The following VWA8 variants were observed in gnomAD, a reference collection of about 807,000 sequenced individuals.
The protein encoded by VWA8 is von Willebrand factor A domain-containing protein 8.
Under a neutral mutation model 241.5 loss-of-function variants are expected in VWA8, and 221 were observed. That is an observed-to-expected ratio of 0.91 (90% CI 0.82 to 1.02). VWA8 has a LOEUF of 1.02. VWA8 is among the 50% of genes least tolerant of loss of function. The pLI, the probability that VWA8 is intolerant of heterozygous loss-of-function variation, is 0.00. For synonymous variants in VWA8, 852 were observed against 827.1 expected (o/e 1.03, Z -0.52); for missense variants, 2,322 against 2,328.7 (o/e 1.00, Z 0.06).
At chr13:41,760,889 T>C (rs1313185449) in intron 21 of VWA8, among the ~76,000 whole-genome samples, 1 of 152,048 alleles carries the variant, frequency 6.6e-6, no homozygotes, top group African/African-American at 2.4e-5. Context: ...GAATGTAATG[T>C]TCATCACTCT....
At chr13:41,621,532 G>A (rs574976846) in intron 37 of VWA8, among the ~76,000 whole-genome samples, 1 of 152,296 alleles carries the variant, frequency 6.6e-6, no homozygotes, top group South Asian at 2.1e-4. Context: ...TGGGGCATGT[G>A]TGTGTATTCT....
At chr13:41,924,828 T>C (rs1876753250) in intron 2 of VWA8, among the ~76,000 whole-genome samples, 1 of 152,094 alleles carries the variant, frequency 6.6e-6, no homozygotes. Context: ...CAGTTACATA[T>C]GTATACATGT....
At chr13:41,694,013 C>T (rs1030197526) in intron 29 of VWA8, among the ~76,000 whole-genome samples, 8 of 151,744 alleles carry the variant, frequency 5.3e-5, no homozygotes, top group African/African-American at 1.7e-4. Flanking sequence ...AGTCACAAAG[C>T]ACATGAAGAA....
At chr13:41,716,691 A>G (rs1232797745) in intron 26 of VWA8, among the ~76,000 whole-genome samples, 1 of 152,050 alleles carries the variant, frequency 6.6e-6, no homozygotes, top group Non-Finnish European at 1.5e-5. Flanking sequence ...ACTCCCATCA[A>G]TAAGCACTGC....
intron 37 of VWA8, among the ~76,000 whole-genome samples, chr13:41,625,146 AAC>A (rs2044681163): frequency 6.6e-6 from 1 of 152,304 alleles, no homozygotes; most frequent in Non-Finnish European, 1.5e-5. Context: ...GAGAATTACA[AAC>A]ACTGCTGAAA....
chr13:41,879,838 G>A (rs1229698291), intron 9 of VWA8, among the ~76,000 whole-genome samples: 1 of 152,080 alleles, frequency 6.6e-6, no homozygotes, highest in Non-Finnish European at 1.5e-5. Flanking sequence ...GTCAAATCCT[G>A]GCCTCCAGAA....
At chr13:41,922,141 C>T (rs1467519425) in intron 2 of VWA8, among the ~76,000 whole-genome samples, 2 of 152,174 alleles carry the variant, frequency 1.3e-5, no homozygotes, top group Non-Finnish European at 2.9e-5. Context: ...ACATCTACAA[C>T]CATCTGATCT....
At chr13:41,669,891 T>A (rs1340681611) in intron 37 of VWA8, among the ~76,000 whole-genome samples, 1 of 152,186 alleles carries the variant, frequency 6.6e-6, no homozygotes, top group Admixed American at 6.5e-5. Context: ...ATCACATGTT[T>A]ATTTTAGAGT....
intron 12 of VWA8, among the ~76,000 whole-genome samples, chr13:41,849,455 T>C (rs1221241270): frequency 1.3e-5 from 2 of 152,246 alleles, no homozygotes; most frequent in Admixed American, 6.5e-5. Context: ...CTATAAGATA[T>C]GTAACTTCAT....
chr13:41,907,626 C>T lies in VWA8; in HGVS notation c.443G>A (p.Arg148Gln), dbSNP rs372023506. 10 of 1,614,138 alleles carry T rather than the reference C, an allele frequency of 6.2e-6. 1 individual carries two copies. Among genetic ancestry groups the T allele is most frequent in the Admixed American group, 1.7e-5 (1 of 60,028 alleles). Residue 148 changes from arginine to glutamine, a missense_variant, in exon 4 of 45, where the codon CGA (arginine) becomes CAA (glutamine). By Grantham distance (43) the Arg-to-Gln change is conservative. Transcript: ENST00000379310. ...RDTTETDLKQ[R>Q]REIRAGTAFY... is the part of the protein sequence containing the mutation. ...GGCTGTGCCTGCACGGATCTCTCGT[C>T]GCTGTTTGAGATCAGTTTCAGTGGT...
intron 8 of VWA8, among the ~76,000 whole-genome samples, chr13:41,884,050 G>A (rs984387060): frequency 3.3e-5 from 5 of 152,162 alleles, no homozygotes; most frequent in Non-Finnish European, 5.9e-5. Flanking sequence ...ATTTCAATAT[G>A]AACTATCTAT....
intron 2 of VWA8, among the ~76,000 whole-genome samples, chr13:41,919,260 T>C (rs1230109677): frequency 2.0e-5 from 3 of 152,136 alleles, no homozygotes; most frequent in Non-Finnish European, 4.4e-5. Flanking sequence ...TATTTCTCTC[T>C]GCAGGAAAAA....
chr13:41,881,651 G>A (rs982928340), intron 9 of VWA8, among the ~76,000 whole-genome samples: 1 of 148,908 alleles, frequency 6.7e-6, no homozygotes, highest in Non-Finnish European at 1.5e-5. Context: ...TGGGCAGAGG[G>A]CTCCTCACTT....
intron 20 of VWA8, among the ~76,000 whole-genome samples, chr13:41,767,803 C>T (rs902302500): frequency 6.6e-6 from 1 of 152,176 alleles, no homozygotes; most frequent in Non-Finnish European, 1.5e-5. Context: ...TACTGTGTTG[C>T]TATAAATGGC....
chr13:41,796,830 G>A (rs528750551), intron 17 of VWA8, among the ~76,000 whole-genome samples: 1 of 149,654 alleles, frequency 6.7e-6, no homozygotes, highest in East Asian at 1.9e-4. Flanking sequence ...TTAAAGTACT[G>A]AAATTCAGTT....
At chr13:41,602,625 C>T (rs2044528865) in intron 40 of VWA8, among the ~76,000 whole-genome samples, 1 of 152,102 alleles carries the variant, frequency 6.6e-6, no homozygotes, top group South Asian at 2.1e-4. Context: ...GCTGATAAAT[C>T]TTAGCAAGTA....
intron 41 of VWA8, among the ~76,000 whole-genome samples, chr13:41,590,101 C>T (rs1219295586): frequency 6.6e-6 from 1 of 152,206 alleles, no homozygotes; most frequent in African/African-American, 2.4e-5. Context: ...TGGCTGCTGG[C>T]TCCCAGTGGG....
At chr13:41,643,257 T>G (rs2044808565) in intron 37 of VWA8, among the ~76,000 whole-genome samples, 1 of 152,238 alleles carries the variant, frequency 6.6e-6, no homozygotes, top group African/African-American at 2.4e-5. Flanking sequence ...CCCTACTGCA[T>G]GAACCTATAT....
At chr13:41,664,929 G>A (rs2044976936) in intron 37 of VWA8, among the ~76,000 whole-genome samples, 2 of 152,064 alleles carry the variant, frequency 1.3e-5, no homozygotes, top group African/African-American at 4.8e-5. Flanking sequence ...TTTTAAATAA[G>A]GCTAAACACT....
Sources: allele counts gnomAD v4.1 joint callset (sites outside exome capture counted in the v4.1 genomes callset), GRCh38; gene constraint gnomAD v4.1.1; transcripts MANE v1.5; gene names NCBI Gene and HGNC (gene_info 2026-07-23, HGNC 2026-07-21).